Variants in RPL7 observed in about 807,000 individuals in gnomAD.
RPL7 encodes the protein large ribosomal subunit protein uL30.
For synonymous variants in RPL7, 100 were observed against 102.2 expected (o/e 0.98, Z 0.13); for missense variants, 205 against 301.9 (o/e 0.68, Z 2.38).
At position 73,291,883 on chromosome 8, in the gene RPL7, T is replaced by C. The variant is rs1814105984; in HGVS notation, c.318A>G (p.Arg106=). Residue 106 remains arginine (R), a synonymous_variant, in exon 4 of 7, where the codon CGA becomes CGG. Coordinates refer to ENST00000352983, the MANE Select transcript of RPL7 (RefSeq NM_000971.4). ...RGINGVSPKV[R]KVLQLLRLRQ... is the part of the protein sequence containing the mutation. ...GAAGGCGAAGAAGCTGCAACACCTTTCGAACCTTTGGGCTCACTCCATTGA... is the reference window on the plus strand; with the variant it reads ...GAAGGCGAAGAAGCTGCAACACCTTCCGAACCTTTGGGCTCACTCCATTGA... The C allele has an allele frequency of 1.2e-6, 2 of 1,612,972 alleles. No individual in the cohort carries two copies. Among genetic ancestry groups the C allele is most frequent in the Non-Finnish European group, 8.5e-7 (1 of 1,178,964 alleles).
intron 2 of RPL7, 120 bp from the exon 3 acceptor site, chr8:73,292,525 T>G: frequency 1.8e-6 from 2 of 1,102,184 alleles, no homozygotes; most frequent in East Asian, 2.4e-5. Flanking sequence ...AGTATGCAAT[T>G]ACATCCCCCA....
At chr8:73,293,326 A>G (rs1814157285) in intron 1 of RPL7, 7 of 482,974 alleles carry the variant, frequency 1.4e-5, no homozygotes, top group Non-Finnish European at 2.6e-5. Context: ...CCCCCGAAAG[A>G]CCCTCTACCG....
chr8:73,291,457 C>T, intron 5 of RPL7, 95 bp downstream of exon 5: 1 of 958,390 alleles, frequency 1.0e-6, no homozygotes, highest in Non-Finnish European at 1.6e-6. Context: ...ATAGGGAACA[C>T]ATGAAGATTC....
chr8:73,291,442 G>T, intron 5 of RPL7, 110 bp downstream of exon 5: 1 of 912,416 alleles, frequency 1.1e-6, no homozygotes, highest in Non-Finnish European at 1.7e-6. Flanking sequence ...GCTAAATCAA[G>T]AATCATAGGG....
chr8:73,291,139 C>G lies in RPL7; in HGVS notation c.652G>C (p.Gly218Arg), dbSNP rs770456999. Residue 218 changes from glycine to arginine, a missense_variant, in exon 6 of 7, where the codon GGT (glycine) becomes CGT (arginine). Coordinates refer to ENST00000352983, the MANE Select transcript of RPL7 (RefSeq NM_000971.4). ...TGGGTGGTCTTTTTCTTCATTCCACCTCGTGGAGAAGACAATTTGAAGGGC... is the reference window on the plus strand; with the variant it reads ...TGGGTGGTCTTTTTCTTCATTCCACGTCGTGGAGAAGACAATTTGAAGGGC... ...LWPFKLSSPR[G>R]GMKKKTTHFV... 4 of 1,606,168 alleles carry G rather than the reference C, an allele frequency of 2.5e-6. No homozygotes were observed. Among genetic ancestry groups the G allele is most frequent in the Non-Finnish European group, 2.6e-6 (3 of 1,173,300 alleles).
chr8:73,293,055 G>A, intron 1 of RPL7: 1 of 367,756 alleles, frequency 2.7e-6, no homozygotes, highest in East Asian at 4.1e-5. Context: ...CAAGAGGCCC[G>A]GCCTCCGACG....
At position 73,291,828 on chromosome 8, in the gene RPL7, G is replaced by C. The variant is rs1340792595; in HGVS notation, c.373C>G (p.Leu125Val). ...RQIFNGTFVKLNKASINMLRI... is the reference protein window; with the variant it reads ...RQIFNGTFVKVNKASINMLRI... Reference sequence around the variant, plus strand: ...AGCATGTTAATCGAAGCCTTGTTGAGCTTCACAAAGGTTCCATTGAAGATT... The same window carrying C: ...AGCATGTTAATCGAAGCCTTGTTGACCTTCACAAAGGTTCCATTGAAGATT... Residue 125 changes from leucine to valine, a missense_variant, in exon 4 of 7, where the codon CTC becomes GTC. Coordinates refer to ENST00000352983, the MANE Select transcript of RPL7 (RefSeq NM_000971.4). 1.2e-6 allele frequency: 2 copies of C among 1,612,966 alleles called. No individual in the cohort carries two copies. Among genetic ancestry groups the C allele is most frequent in the Admixed American group, 1.7e-5 (1 of 60,008 alleles).
At chr8:73,291,498 G>A (rs773738684) in intron 5 of RPL7, 54 bp downstream of exon 5, 12 of 1,273,080 alleles carry the variant, frequency 9.4e-6, no homozygotes, top group South Asian at 2.6e-5. Context: ...GCCACAAGAG[G>A]GTAAGAAATT....
At chr8:73,293,812 T>C (rs1814176069), upstream of RPL7, 2 of 611,016 alleles carry the variant, frequency 3.3e-6, no homozygotes, top group Non-Finnish European at 5.8e-6. Flanking sequence ...TTGAAGAAAA[T>C]ATATGCATTT....
At position 73,292,355 on chromosome 8, in the gene RPL7, G is replaced by A. The variant is rs938570585; in HGVS notation, c.174C>T (p.His58=). ...TTCTGTACATCTGCCTATATTCCTT[G>A]TGATAGTGCTTTGCTTTTTCATAGA... is the stretch of plus-strand genomic sequence containing the variant. ...KLIYEKAKHY[H]KEYRQMYRTE... is the part of the protein sequence containing the mutation. The change falls in exon 3 of 7, where the codon CAC becomes CAT. Residue 58 remains histidine, a synonymous_variant. Coordinates refer to ENST00000352983, the MANE Select transcript of RPL7 (RefSeq NM_000971.4). 5 of 1,602,514 alleles carry A rather than the reference G, an allele frequency of 3.1e-6. No individual in the cohort carries two copies. Among genetic ancestry groups the A allele is most frequent in the Non-Finnish European group, 4.2e-6 (5 of 1,178,936 alleles).
At chr8:73,292,147 T>C (rs915099248) in intron 3 of RPL7, 92 bp downstream of exon 3, 232 of 1,286,632 alleles carry the variant, frequency 1.8e-4, no homozygotes, top group Non-Finnish European at 2.4e-4. Context: ...ATATTGTTAC[T>C]CCGGTGTTTC....
At chr8:73,292,457 A>G in intron 2 of RPL7, 52 bp from the exon 3 acceptor site, 1 of 1,477,324 alleles carries the variant, frequency 6.8e-7, no homozygotes, top group Non-Finnish European at 9.2e-7. Flanking sequence ...CACAATTAGC[A>G]ATGCCAATCA....
chr8:73,290,250 A>C lies in RPL7; in HGVS notation c.*457T>G, dbSNP rs1049503601. The stretch of plus-strand genomic sequence containing the variant: ...AAACAAGAACACAAAAATGGAATGC[A>C]AAAGGAAAACAACACATTTACATGG... On this transcript the variant is annotated 3_prime_UTR_variant, in exon 7 of 7. Transcript: ENST00000352983. 1 of 152,246 alleles carries C rather than the reference A, an allele frequency of 6.6e-6. No individual in the cohort carries two copies. Among genetic ancestry groups the C allele is most frequent in the African/African-American group, 2.4e-5 (1 of 41,472 alleles). The allele number at this position is 152,246 out of a possible 1,614,324, so 9.4% of individuals were successfully genotyped here. A position where few individuals can be genotyped will look rare whatever the true frequency, so the allele number is the denominator to read the frequency against.
At chr8:73,290,773 T>C in intron 6 of RPL7, 68 bp from the exon 7 acceptor site, 1 of 395,220 alleles carries the variant, frequency 2.5e-6, no homozygotes, top group Non-Finnish European at 4.6e-6. Context: ...AACTAGGCAG[T>C]TATAAAGTAA....
chr8:73,292,433 A>AT (rs1814124361), intron 2 of RPL7, 28 bp from the exon 3 acceptor site: 1 of 1,573,962 alleles, frequency 6.4e-7, no homozygotes, highest in African/African-American at 1.4e-5. Context: ...GTTATTCATA[A>AT]TTTTTAGCTC....
intron 3 of RPL7, 80 bp downstream of exon 3, chr8:73,292,159 G>T: frequency 2.2e-6 from 3 of 1,369,402 alleles, no homozygotes; most frequent in Non-Finnish European, 3.0e-6. Context: ...CGGTGTTTCA[G>T]AATCAGGGCT....
In RPL7 at chr8:73,293,557, G is replaced by A. The variant is rs143737238; in HGVS notation, c.14+42C>T. On this transcript the variant is annotated intron_variant, in intron 1 of 6. Transcript: ENST00000352983. ...AGTGACACAAAAAGTATCTGGCTCT[G>A]GAGATGGAGAAGGATTCTCAAGAGG... 3,447 of 1,611,846 alleles carry A rather than the reference G, an allele frequency of 2.1e-3. 10 individuals are homozygous for A. The highest frequency in any genetic ancestry group is 3.3e-3 in the South Asian group (304 of 90,862).
upstream of RPL7, chr8:73,293,727 AC>A: frequency 7.4e-7 from 1 of 1,352,294 alleles, no homozygotes; most frequent in Non-Finnish European, 1.0e-6. Context: ...AGAATCCAGA[AC>A]TAAAAAGCCG....
rs117571430 is a variant in RPL7 at position 73,292,202 on chromosome 8, T to C, written c.290+37A>G. 5,797 of 1,546,392 alleles carry C rather than the reference T, an allele frequency of 3.7e-3. 132 individuals carry two copies. In the East Asian group the frequency reaches 0.11, roughly 28 times the overall value. On this transcript the variant is annotated intron_variant, in intron 3 of 6. Transcript: ENST00000352983. ...GTAATGTGAAGGTTTTTTTTTTTTT[T>C]CCCATTCAAACCCGAATGCAGTAAA...
Sources: allele counts gnomAD v4.1 joint callset, GRCh38; gene constraint gnomAD v4.1.1; transcripts MANE v1.5; gene names NCBI Gene and HGNC (gene_info 2026-07-23, HGNC 2026-07-21).